Variants in CSMD1 observed in about 807,000 individuals in gnomAD.
CSMD1 encodes CUB and sushi domain-containing protein 1.
CSMD1 carries 213 observed loss-of-function variants against 417.5 expected under a neutral mutation model. The ratio of observed to expected loss-of-function variants is 0.51; its 90% CI spans 0.46 to 0.57. The LOEUF is 0.57. CSMD1 is among the 20% of genes least tolerant of loss of function. The probability of loss-of-function intolerance (pLI) is 0.00; values close to 1 mark genes in which losing one functional copy is unlikely to be tolerated. For synonymous variants in CSMD1, 2,862 were observed against 1,736.8 expected (o/e 1.65, Z -16.11); for missense variants, 6,923 against 4,529.7 (o/e 1.53, Z -15.17).
At chr8:3,791,752 G>A (rs901439805) in intron 5 of CSMD1, among the ~76,000 whole-genome samples, 2 of 152,126 alleles carry the variant, frequency 1.3e-5, no homozygotes, top group Non-Finnish European at 2.9e-5. Flanking sequence ...GAGCCTGGGA[G>A]GTGGAAGTTG....
chr8:4,059,614 A>G (rs1798868538), intron 3 of CSMD1, among the ~76,000 whole-genome samples: 1 of 152,114 alleles, frequency 6.6e-6, no homozygotes, highest in Non-Finnish European at 1.5e-5. Flanking sequence ...AGGGGATATC[A>G]CCACCGATCC....
chr8:3,812,763 T>A (rs1219467243), intron 5 of CSMD1, among the ~76,000 whole-genome samples: 5 of 152,216 alleles, frequency 3.3e-5, no homozygotes, highest in Admixed American at 6.5e-5. Context: ...CTATTTTAAT[T>A]AACCAAGGGT....
At chr8:3,474,519 C>T (rs1465229283) in intron 11 of CSMD1, among the ~76,000 whole-genome samples, 1 of 152,090 alleles carries the variant, frequency 6.6e-6, no homozygotes, top group Non-Finnish European at 1.5e-5. Flanking sequence ...ATTAATCTTT[C>T]TTAAAAGTGT....
intron 1 of CSMD1, among the ~76,000 whole-genome samples, chr8:4,779,020 G>C (rs1797015735): frequency 6.6e-6 from 1 of 152,192 alleles, no homozygotes. Flanking sequence ...GCAATGACCA[G>C]ATTGATATAT....
chr8:3,997,730 T>G (rs991677387), intron 5 of CSMD1, among the ~76,000 whole-genome samples, 173 bp downstream of exon 5: 2 of 152,066 alleles, frequency 1.3e-5, no homozygotes, highest in African/African-American at 4.8e-5. Context: ...TTAGAAACTT[T>G]GAAATTACTC....
At chr8:4,300,697 A>G (rs1242541954) in intron 3 of CSMD1, among the ~76,000 whole-genome samples, 2 of 152,026 alleles carry the variant, frequency 1.3e-5, no homozygotes, top group South Asian at 2.1e-4. Flanking sequence ...TCCCAACCCC[A>G]CAACAGTCCC....
intron 46 of CSMD1, among the ~76,000 whole-genome samples, chr8:3,104,482 T>A (rs1034451182): frequency 2.0e-5 from 3 of 152,180 alleles, no homozygotes; most frequent in Non-Finnish European, 2.9e-5. Flanking sequence ...TCTGCTCAGG[T>A]AGCGGTTTCC....
rs560395741 is a variant in CSMD1 at position 4,228,437 on chromosome 8, T to C, written c.415+191516A>G. Among the ~76,000 whole-genome samples, 11 of 152,162 alleles carry C rather than the reference T, an allele frequency of 7.2e-5. No homozygotes were observed. The South Asian group carries it at 2.1e-3, about 29-fold the overall frequency. On this transcript the variant is annotated intron_variant, in intron 3 of 69. Coordinates refer to ENST00000635120, the MANE Select transcript of CSMD1 (RefSeq NM_033225.6). ...TGAATTTAAGCAGCAGCACCTACAC[T>C]CATCTCAGGTCACCTGAAAGCAGCA...
intron 1 of CSMD1, among the ~76,000 whole-genome samples, chr8:4,934,410 G>A (rs779584707): frequency 6.6e-6 from 1 of 152,098 alleles, no homozygotes; most frequent in East Asian, 1.9e-4. Flanking sequence ...AATTCAGGAA[G>A]GCATTCTATC....
intron 4 of CSMD1, among the ~76,000 whole-genome samples, chr8:4,008,076 T>G (rs1242803769): frequency 6.6e-6 from 1 of 151,872 alleles, no homozygotes; most frequent in African/African-American, 2.4e-5. Flanking sequence ...GTCCAGGAGG[T>G]TTTTTCTTTG....
At position 4,105,333 on chromosome 8, in the gene CSMD1, C is replaced by G. The variant is rs567795107; in HGVS notation, c.416-73234G>C. 3.2e-5 allele frequency among the ~76,000 whole-genome samples: 4 copies of G among 124,288 alleles called. No homozygotes were observed. In the South Asian group the frequency reaches 1.2e-3, roughly 39 times the overall value. 81.5% of individuals were successfully genotyped at this position (124,288 alleles called of 152,430 possible). On this transcript the variant is annotated intron_variant, in intron 3 of 69. Coordinates refer to ENST00000635120, the MANE Select transcript of CSMD1 (RefSeq NM_033225.6). ...TAGTGATCTTAATCTTGTAACACTT[C>G]TGAATTTTTTTTTTATGTTTATATG...
rs60965667 is a variant in CSMD1 at position 4,402,800 on chromosome 8, C to CTTTTT, written c.415+17148_415+17152dup. 6.3e-3 allele frequency among the ~76,000 whole-genome samples: 564 copies of CTTTTT among 88,892 alleles called. 1 individual carries two copies. The highest frequency in any genetic ancestry group is 8.8e-3 in the Middle Eastern group (1 of 114). The allele number at this position is 88,892 out of a possible 152,430, so 58.3% of individuals were successfully genotyped here. A position where few individuals can be genotyped will look rare whatever the true frequency, so the allele number is the denominator to read the frequency against. Reference sequence around the variant, plus strand: ...GTGAGTATAATGTCCTCACTTTTTTCTTTTTTTTTTTTTTTTTTTTCTTTT... The same window carrying CTTTTT: ...GTGAGTATAATGTCCTCACTTTTTTCTTTTTTTTTTTTTTTTTTTTTTTTTCTTTT... On this transcript the variant is annotated intron_variant, in intron 3 of 69. Transcript: ENST00000635120.
rs183318316 is a variant in CSMD1, at chr8:4,416,688, G to A, written c.415+3265C>T. 1.6e-3 allele frequency among the ~76,000 whole-genome samples: 239 copies of A among 152,068 alleles called. 1 individual carries two copies. The highest frequency in any genetic ancestry group is 5.6e-3 in the African/African-American group (231 of 41,506). ...TTTGGGGAACAATTTTTAGATGACC[G>A]TGTATCACCCAGTCCGTATATTTTC... On this transcript the variant is annotated intron_variant, in intron 3 of 69. Transcript: ENST00000635120.
intron 3 of CSMD1, among the ~76,000 whole-genome samples, chr8:4,142,769 G>A (rs35942706): frequency 0.3 from 45,289 of 150,714 alleles, 8,458 homozygotes; most frequent in Non-Finnish European, 0.39. Flanking sequence ...CACTTCATTA[G>A]TGCAAAACAG....
At chr8:3,216,482 T>A (rs1258122007) in intron 29 of CSMD1, among the ~76,000 whole-genome samples, 1 of 152,214 alleles carries the variant, frequency 6.6e-6, no homozygotes, top group South Asian at 2.1e-4. Context: ...CATTTTTTTG[T>A]TATAAATCTC....
At chr8:3,577,313 C>G (rs1326836714) in intron 9 of CSMD1, among the ~76,000 whole-genome samples, 1 of 152,142 alleles carries the variant, frequency 6.6e-6, no homozygotes, top group African/African-American at 2.4e-5. Context: ...CATTTTCAGG[C>G]CTATGAAGTA....
At chr8:4,650,680 T>C (rs1391071199) in intron 1 of CSMD1, among the ~76,000 whole-genome samples, 5 of 152,136 alleles carry the variant, frequency 3.3e-5, no homozygotes, top group South Asian at 2.1e-4. Flanking sequence ...ATACAGCTTG[T>C]AGTTGATTCT....
chr8:2,980,469 T>C (rs911245057), intron 54 of CSMD1, among the ~76,000 whole-genome samples: 2 of 151,972 alleles, frequency 1.3e-5, no homozygotes, highest in African/African-American at 4.8e-5. Context: ...CTCTTCCTTC[T>C]CTTTCTCCTC....
At chr8:4,602,651 C>T (rs958939492) in intron 2 of CSMD1, among the ~76,000 whole-genome samples, 7 of 152,092 alleles carry the variant, frequency 4.6e-5, no homozygotes, top group East Asian at 1.9e-4. Context: ...CATGTTAGGG[C>T]AAGTGGCAAA....
Sources: gnomAD v4.1 joint callset for allele counts (sites outside exome capture counted in the v4.1 genomes callset) on GRCh38, gnomAD v4.1.1 for gene constraint, MANE v1.5 for transcripts, NCBI Gene and HGNC (gene_info 2026-07-23, HGNC 2026-07-21) for gene names.